The following TRNT1 variants were observed in gnomAD, a reference collection of about 807,000 sequenced individuals.
The protein encoded by TRNT1 is tRNA nucleotidyl transferase 1.
In TRNT1, 44 loss-of-function variants were observed where a neutral mutation model predicts 45.6. The ratio of observed to expected loss-of-function variants is 0.97; its 90% CI spans 0.76 to 1.24. The LOEUF (loss-of-function observed/expected upper bound fraction) is 1.24. Ranked by LOEUF, TRNT1 falls within the 50% of genes most tolerant of loss-of-function variation. The probability of loss-of-function intolerance (pLI) is 0.00; values close to 1 mark genes in which losing one functional copy is unlikely to be tolerated. For missense variants in TRNT1, 633 were observed against 504.4 expected, an observed-to-expected ratio of 1.25 and a Z score of -2.44; for synonymous variants, 201 against 171.4, an observed-to-expected ratio of 1.17 and a Z score of -1.35.
chr3:3,148,225 T>C lies in TRNT1; in HGVS notation c.*71T>C. The C allele has an allele frequency of 6.5e-7, 1 of 1,527,520 alleles. No homozygotes were observed. Among genetic ancestry groups the C allele is most frequent in the East Asian group, 2.3e-5 (1 of 44,310 alleles). 94.6% of individuals were successfully genotyped at this position (1,527,520 alleles called of 1,614,324 possible). A position where few individuals can be genotyped will look rare whatever the true frequency, so the allele number is the denominator to read the frequency against. The stretch of plus-strand genomic sequence containing the variant: ...TTTCTCCCCTCCCTCTTAATGAGGT[T>C]TTAGAGACTACACCAGAATAAAAGA... On this transcript the variant is annotated 3_prime_UTR_variant, in exon 8 of 8. Transcript: ENST00000251607.
downstream of TRNT1, chr3:3,153,121 T>C (rs1289998519): frequency 2.8e-6 from 1 of 351,318 alleles, no homozygotes. Context: ...GAAGCATCTA[T>C]GTTAGGGCCT....
At chr3:3,150,757 A>T, downstream of TRNT1, 1 of 1,037,380 alleles carries the variant, frequency 9.6e-7, no homozygotes, top group Non-Finnish European at 1.4e-6. Context: ...ATGTTTACTT[A>T]GGTATTAATG....
intron 2 of TRNT1, among the ~76,000 whole-genome samples, chr3:3,133,659 G>C (rs1008744638): frequency 2.0e-5 from 3 of 152,162 alleles, no homozygotes; most frequent in Non-Finnish European, 4.4e-5. Context: ...GGATGAGCAA[G>C]GACTTGTTTA....
Position 3,147,442 on chromosome 3 carries a change from C to T in TRNT1, c.803-8C>T. ...AAAAACAGGTGAAAAATGCTTTTGTCCCTACAGGTTTACCTGCTAATGCAA... is the reference window on the plus strand; with the variant it reads ...AAAAACAGGTGAAAAATGCTTTTGTTCCTACAGGTTTACCTGCTAATGCAA... On this transcript the variant is annotated splice_polypyrimidine_tract_variant and splice_region_variant and intron_variant, in intron 6 of 7. Transcript: ENST00000251607. 1 of 1,611,616 alleles carries T rather than the reference C, an allele frequency of 6.2e-7. No individual in the cohort carries two copies. Among genetic ancestry groups the T allele is most frequent in the Non-Finnish European group, 8.5e-7 (1 of 1,178,664 alleles).
At position 3,147,614 on chromosome 3, in the gene TRNT1, G is replaced by T; in HGVS notation, c.967G>T (p.Gly323Cys). 6.2e-7 allele frequency: 1 copy of T among 1,613,782 alleles called. No individual in the cohort carries two copies. Among genetic ancestry groups the T allele is most frequent in the Non-Finnish European group, 8.5e-7 (1 of 1,179,820 alleles). ...LKIAKEEKNL[G>C]LFIVKNRKDL... ...GATCGCAAAAGAGGAGAAAAACCTT[G>T]GCTTATTTATAGTTAAAAATAGGAA... is the stretch of plus-strand genomic sequence containing the variant. Residue 323 changes from glycine (G) to cysteine (C), a missense_variant, in exon 7 of 8, where the codon GGC becomes TGC. Transcript: ENST00000251607.
chr3:3,135,546 G>A (rs1297304472), intron 2 of TRNT1, among the ~76,000 whole-genome samples: 1 of 152,182 alleles, frequency 6.6e-6, no homozygotes. Flanking sequence ...GGGAGAGCTT[G>A]TGGAAAAGAT....
At chr3:3,128,611 A>AG (rs746081579) in intron 1 of TRNT1, among the ~76,000 whole-genome samples, 10 of 96,998 alleles carry the variant, frequency 1.0e-4, no homozygotes, top group Non-Finnish European at 3.0e-4. Context: ...AAAAAAAAAA[A>AG]AAAAAAAAAA....
At chr3:3,145,451 C>T (rs1481870842) in intron 5 of TRNT1, 8 of 147,314 alleles carry the variant, frequency 5.4e-5, no homozygotes, top group African/African-American at 1.3e-4. Flanking sequence ...TGCAGTGAGC[C>T]GAGATCGTGC....
chr3:3,146,605 G>A lies in TRNT1; in HGVS notation c.784G>A (p.Asp262Asn). Residue 262 changes from aspartate (D) to asparagine (N), a missense_variant, in exon 6 of 8, where the codon GAT becomes AAT. Transcript: ENST00000251607. ...TTTGATTCACCTTATCTATGATCTT[G>A]ATGTGGCTCCTTATATAGGTGAGAG... ...NHLIHLIYDL[D>N]VAPYIGLPAN... 6.2e-7 allele frequency: 1 copy of A among 1,611,942 alleles called. No homozygotes were observed. The highest frequency in any genetic ancestry group is 1.1e-5 in the South Asian group (1 of 90,650).
chr3:3,150,886 G>A (rs147065790), downstream of TRNT1: 145 of 1,613,482 alleles, frequency 9.0e-5, no homozygotes, highest in Non-Finnish European at 1.2e-4. Flanking sequence ...GTATTACTTT[G>A]TCTGGACTTA....
downstream of TRNT1, chr3:3,153,207 C>T: frequency 2.0e-6 from 1 of 495,334 alleles, no homozygotes; most frequent in Non-Finnish European, 3.7e-6. Flanking sequence ...TTTACTTTAC[C>T]ATGCTCATTA....
intron 2 of TRNT1, among the ~76,000 whole-genome samples, chr3:3,133,969 A>C (rs563360273): frequency 6.6e-6 from 1 of 152,256 alleles, no homozygotes; most frequent in African/African-American, 2.4e-5. Flanking sequence ...GACAGTTATA[A>C]AAGTTTTCTG....
intron 5 of TRNT1, chr3:3,145,720 A>C (rs879470148): frequency 4.6e-5 from 7 of 152,134 alleles, no homozygotes; most frequent in Non-Finnish European, 1.0e-4. Context: ...TTGTCAATGT[A>C]GTTTCTCTAA....
chr3:3,135,770 T>G (rs941530655), intron 2 of TRNT1, among the ~76,000 whole-genome samples: 1 of 152,120 alleles, frequency 6.6e-6, no homozygotes, highest in Non-Finnish European at 1.5e-5. Flanking sequence ...TGAGTTTAGT[T>G]GAATGCTCGT....
chr3:3,152,550 G>A (rs754056968), downstream of TRNT1: 1 of 1,613,968 alleles, frequency 6.2e-7, no homozygotes, highest in South Asian at 1.1e-5. Context: ...TATCCATGAG[G>A]ATTCACATAA....
chr3:3,130,008 A>G, intron 2 of TRNT1: 1 of 1,524,196 alleles, frequency 6.6e-7, no homozygotes, highest in South Asian at 1.2e-5. Context: ...GAAGGAGCAT[A>G]GGAAATGGCT....
chr3:3,130,030 C>CCTGACTG (rs2126004230), intron 2 of TRNT1: 1 of 1,335,694 alleles, frequency 7.5e-7, no homozygotes, highest in South Asian at 1.3e-5. Flanking sequence ...TAGCTAAGTG[C>CCTGACTG]CAGTAGCTTC....
intron 5 of TRNT1, among the ~76,000 whole-genome samples, chr3:3,146,161 A>C (rs1706005296): frequency 1.3e-5 from 2 of 151,162 alleles, no homozygotes; most frequent in Non-Finnish European, 2.9e-5. Flanking sequence ...AGTAATTTGG[A>C]AGTGAGGTGG....
chr3:3,152,416 A>G, downstream of TRNT1: 7 of 1,584,594 alleles, frequency 4.4e-6, no homozygotes, highest in South Asian at 8.1e-5. Flanking sequence ...CAATTAAGGT[A>G]AAAAAAGAAA....
Sources: gnomAD v4.1 joint callset for allele counts (sites outside exome capture counted in the v4.1 genomes callset) on GRCh38, gnomAD v4.1.1 for gene constraint, MANE v1.5 for transcripts, NCBI Gene and HGNC (gene_info 2026-07-23, HGNC 2026-07-21) for gene names.